The following DIAPH2 variants were observed in gnomAD, a reference collection of about 807,000 sequenced individuals.
DIAPH2 encodes diaphanous related formin 2, also known as protein diaphanous homolog 2.
A neutral mutation model predicts 92.7 loss-of-function variants in DIAPH2; 35 were observed. The observed-to-expected ratio is 0.38, with a 90% CI of 0.29 to 0.50. DIAPH2 has a LOEUF of 0.50. Among genes scored for constraint, DIAPH2 ranks in the 20% least tolerant of loss-of-function variants. The probability of loss-of-function intolerance (pLI) is 0.94; values close to 1 mark genes in which losing one functional copy is unlikely to be tolerated. For synonymous variants in DIAPH2, 301 were observed against 280.4 expected, an observed-to-expected ratio of 1.07 and a Z score of -0.73; for missense variants, 701 against 819.5, an observed-to-expected ratio of 0.86 and a Z score of 1.77.
intron 22 of DIAPH2, among the ~76,000 whole-genome samples, chrX:97,230,028 A>G (rs1484954396): frequency 9.1e-6 from 1 of 109,574 alleles, no homozygotes; most frequent in Non-Finnish European, 1.9e-5. Context: ...TTCCATCTGA[A>G]TGGTGGGAAG....
chrX:97,304,040 C>A (rs1445643490), intron 23 of DIAPH2, among the ~76,000 whole-genome samples: 3 of 111,720 alleles, frequency 2.7e-5, no homozygotes, highest in African/African-American at 9.7e-5. Context: ...AGAAAAAAAT[C>A]AAATAGGATT....
intron 5 of DIAPH2, among the ~76,000 whole-genome samples, chrX:96,898,053 A>G (rs1303357495): frequency 1.1e-5 from 1 of 90,723 alleles, no homozygotes; most frequent in African/African-American, 4.0e-5. Flanking sequence ...AAGGACATGA[A>G]CTCATCATTT....
At chrX:96,756,766 C>T (rs1412605036) in intron 3 of DIAPH2, among the ~76,000 whole-genome samples, 5 of 110,908 alleles carry the variant, frequency 4.5e-5, no homozygotes, top group African/African-American at 6.6e-5. Flanking sequence ...TTTTTCAATT[C>T]GTTGCCAACA....
At chrX:97,415,273 A>G (rs1451414604) in intron 25 of DIAPH2, among the ~76,000 whole-genome samples, 1 of 111,963 alleles carries the variant, frequency 8.9e-6, no homozygotes, top group African/African-American at 3.2e-5. Context: ...AACTAGTTCA[A>G]CCATTGTGGA....
chrX:97,503,313 A>G (rs1380384912), intron 26 of DIAPH2, among the ~76,000 whole-genome samples: 1 of 112,172 alleles, frequency 8.9e-6, no homozygotes, highest in African/African-American at 3.2e-5. Flanking sequence ...TACTAAATAG[A>G]TCTGCTCACA....
At chrX:96,998,764 C>T (rs946070949) in intron 17 of DIAPH2, among the ~76,000 whole-genome samples, 4 of 111,507 alleles carry the variant, frequency 3.6e-5, no homozygotes, top group African/African-American at 1.3e-4. Flanking sequence ...GAGCCAGACT[C>T]GTTGGGTTCA....
intron 21 of DIAPH2, among the ~76,000 whole-genome samples, chrX:97,128,192 G>A (rs941989122): frequency 8.9e-6 from 1 of 111,736 alleles, no homozygotes; most frequent in Admixed American, 9.5e-5. Flanking sequence ...GTTATTTCCC[G>A]ATGATATGCT....
At chrX:97,190,055 A>G (rs757732641) in intron 22 of DIAPH2, among the ~76,000 whole-genome samples, 1 of 113,334 alleles carries the variant, frequency 8.8e-6, no homozygotes, top group African/African-American at 3.2e-5. Context: ...AGTCTTAAAT[A>G]ATGAAAAAGT....
chrX:96,955,464 C>T (rs1483815545), intron 15 of DIAPH2, among the ~76,000 whole-genome samples: 1 of 111,365 alleles, frequency 9.0e-6, no homozygotes, highest in Non-Finnish European at 1.9e-5. Context: ...CATTTCAAAA[C>T]ACAATCATGC....
chrX:96,736,789 A>G (rs2064090899), intron 2 of DIAPH2, among the ~76,000 whole-genome samples: 1 of 112,055 alleles, frequency 8.9e-6, no homozygotes, highest in African/African-American at 3.2e-5. Flanking sequence ...TCAAATATAT[A>G]TGTTATTAAT....
chrX:96,787,052 C>T (rs1282090058), intron 4 of DIAPH2, among the ~76,000 whole-genome samples: 2 of 111,492 alleles, frequency 1.8e-5, no homozygotes, highest in South Asian at 7.5e-4. Context: ...CCATTTTTTC[C>T]GTGATTACCA....
chrX:97,328,349 C>T (rs1206327326), intron 23 of DIAPH2, among the ~76,000 whole-genome samples: 2 of 111,234 alleles, frequency 1.8e-5, no homozygotes, highest in Admixed American at 9.7e-5. Context: ...GTTGGAGAAT[C>T]GCTTGATCCC....
intron 5 of DIAPH2, among the ~76,000 whole-genome samples, chrX:96,902,518 G>C (rs1292161579): frequency 9.0e-6 from 1 of 111,106 alleles, no homozygotes; most frequent in East Asian, 2.8e-4. Context: ...GGTCCTGAGA[G>C]AGGAGATTTT....
At chrX:97,428,401 C>T (rs774503579) in intron 25 of DIAPH2, among the ~76,000 whole-genome samples, 4 of 109,885 alleles carry the variant, frequency 3.6e-5, no homozygotes, top group African/African-American at 9.9e-5. Flanking sequence ...TGGTGGCGCA[C>T]GCCTGTAATC....
chrX:97,057,221 T>A lies in DIAPH2; in HGVS notation c.2051-15720T>A, dbSNP rs1438033053. On this transcript the variant is annotated intron_variant, in intron 17 of 26. Transcript: ENST00000324765. ...AAACAAAAATTATTTGAAATGTTAG[T>A]TTGGCAGTTATGTTGGATTATATAC... 3.6e-5 allele frequency among the ~76,000 whole-genome samples: 4 copies of A among 111,763 alleles called. No homozygotes were observed. The East Asian group carries it at 1.1e-3, about 31-fold the overall frequency.
chrX:97,381,619 G>A (rs1159281001), intron 24 of DIAPH2, among the ~76,000 whole-genome samples: 1 of 111,305 alleles, frequency 9.0e-6, no homozygotes, highest in Non-Finnish European at 1.9e-5. Context: ...TATTTGGAAG[G>A]CATCATAGTA....
At chrX:97,312,105 G>A (rs372530352) in intron 23 of DIAPH2, among the ~76,000 whole-genome samples, 125 of 111,038 alleles carry the variant, frequency 1.1e-3, no homozygotes, top group African/African-American at 3.8e-3. Flanking sequence ...TGGGATTACA[G>A]GCGTGAGCCA....
intron 5 of DIAPH2, among the ~76,000 whole-genome samples, chrX:96,886,311 A>T (rs2065261721): frequency 9.1e-6 from 1 of 109,842 alleles, no homozygotes; most frequent in Non-Finnish European, 1.9e-5. Context: ...AATATATGTT[A>T]TATTTTATAT....
intron 4 of DIAPH2, among the ~76,000 whole-genome samples, chrX:96,811,706 G>C (rs2064683246): frequency 9.0e-6 from 1 of 111,710 alleles, no homozygotes; most frequent in African/African-American, 3.3e-5. Context: ...TCAATATCTA[G>C]TTTATTGAGA....
Sources: allele counts gnomAD v4.1 joint callset (sites outside exome capture counted in the v4.1 genomes callset), GRCh38; gene constraint gnomAD v4.1.1; transcripts MANE v1.5; gene names NCBI Gene and HGNC (gene_info 2026-07-23, HGNC 2026-07-21).